TBC1D5: variants seen among roughly 807,000 people sequenced by gnomAD.
TBC1D5 encodes TBC1 domain family, member 5.
A neutral mutation model predicts 100.3 loss-of-function variants in TBC1D5; 75 were observed. The observed-to-expected ratio is 0.75, with a 90% CI of 0.62 to 0.91. The LOEUF is 0.91. TBC1D5 is among the 40% of genes least tolerant of loss of function. The pLI, the probability that TBC1D5 is intolerant of heterozygous loss-of-function variation, is 0.00. For missense variants in TBC1D5, 910 were observed against 942.4 expected, an observed-to-expected ratio of 0.97 and a Z score of 0.45; for synonymous variants, 323 against 325.6, an observed-to-expected ratio of 0.99 and a Z score of 0.09.
At chr3:17,412,986 C>A (rs1202252133) in intron 4 of TBC1D5, among the ~76,000 whole-genome samples, 1 of 152,096 alleles carries the variant, frequency 6.6e-6, no homozygotes, top group Non-Finnish European at 1.5e-5. Context: ...TAACTTTTTA[C>A]TAGTTGGACT....
At chr3:17,373,844 T>G (rs1177865503) in intron 12 of TBC1D5, among the ~76,000 whole-genome samples, 1 of 151,998 alleles carries the variant, frequency 6.6e-6, no homozygotes, top group Non-Finnish European at 1.5e-5. Flanking sequence ...CCAGGGCCTG[T>G]AGGAACAGGG....
intron 2 of TBC1D5, among the ~76,000 whole-genome samples, chr3:17,559,533 T>A (rs1248175408): frequency 6.6e-6 from 1 of 152,036 alleles, no homozygotes. Context: ...GAGATAAAGA[T>A]CATGTTCATA....
At chr3:17,665,139 T>C (rs1356154909) in intron 1 of TBC1D5, 1 of 151,314 alleles carries the variant, frequency 6.6e-6, no homozygotes, top group Non-Finnish European at 1.5e-5. Context: ...TCTTTCTAGC[T>C]GTCAAGGTGC....
rs2062860826 is a variant in TBC1D5, at chr3:17,623,841, A to C, written c.-36+8T>G. On this transcript the variant is annotated splice_region_variant and intron_variant, in intron 2 of 21. Coordinates refer to ENST00000253692, the Ensembl canonical transcript of TBC1D5. ...CTGATCAAAATCATTCAAGAATTTT[A>C]TTCTTACAGATTTTCTTTCAGGCTT... 6.6e-6 allele frequency: 1 copy of C among 152,180 alleles called. No homozygotes were observed. The highest frequency in any genetic ancestry group is 2.1e-4 in the South Asian group (1 of 4,836). The allele number at this position is 152,180 out of a possible 1,614,324, so 9.4% of individuals were successfully genotyped here. A position where few individuals can be genotyped will look rare whatever the true frequency, so the allele number is the denominator to read the frequency against.
intron 13 of TBC1D5, among the ~76,000 whole-genome samples, chr3:17,312,456 G>C (rs1003908736): frequency 3.3e-5 from 5 of 152,148 alleles, no homozygotes; most frequent in Admixed American, 2.6e-4. Context: ...TTTTCAAAAA[G>C]AGAAAAAACA....
intron 21 of TBC1D5, among the ~76,000 whole-genome samples, chr3:17,163,331 A>G (rs1023312380): frequency 1.3e-5 from 2 of 150,470 alleles, no homozygotes; most frequent in Non-Finnish European, 3.0e-5. Flanking sequence ...TAGCTTGGCC[A>G]ATGTCACAAG....
chr3:17,163,915 C>A (rs2066334697), intron 21 of TBC1D5, among the ~76,000 whole-genome samples: 1 of 152,074 alleles, frequency 6.6e-6, no homozygotes, highest in African/African-American at 2.4e-5. Flanking sequence ...AAACAGGGGA[C>A]CCAAGTACCA....
chr3:17,665,839 C>G (rs1412329367), intron 1 of TBC1D5, among the ~76,000 whole-genome samples: 1 of 152,196 alleles, frequency 6.6e-6, no homozygotes, highest in Non-Finnish European at 1.5e-5. Flanking sequence ...TTAGGATCAT[C>G]TGCAAACTCT....
chr3:17,637,135 C>T (rs975814792), intron 1 of TBC1D5, among the ~76,000 whole-genome samples: 5 of 149,596 alleles, frequency 3.3e-5, no homozygotes, highest in Non-Finnish European at 7.4e-5. Flanking sequence ...AATTCTCCTG[C>T]CTCAGCCTCA....
chr3:17,163,266 TTC>T (rs1165361627), intron 21 of TBC1D5, among the ~76,000 whole-genome samples: 2 of 16,810 alleles, frequency 1.2e-4, no homozygotes, highest in Admixed American at 1.0e-3. Flanking sequence ...CCCCCCCCCC[TTC>T]CTTGCCCCTT....
chr3:17,616,841 C>A (rs2062207743), intron 2 of TBC1D5, among the ~76,000 whole-genome samples: 1 of 152,112 alleles, frequency 6.6e-6, no homozygotes, highest in East Asian at 1.9e-4. Context: ...ACTCTTTATC[C>A]AATTTGCCAG....
intron 19 of TBC1D5, among the ~76,000 whole-genome samples, chr3:17,176,246 C>A (rs1397027196): frequency 6.6e-6 from 1 of 152,172 alleles, no homozygotes; most frequent in African/African-American, 2.4e-5. Context: ...ATTAGAGATA[C>A]TGTTTGTGAA....
chr3:17,387,362 A>C (rs999026949), intron 8 of TBC1D5, among the ~76,000 whole-genome samples: 1 of 149,018 alleles, frequency 6.7e-6, no homozygotes, highest in African/African-American at 2.5e-5. Context: ...CTAATCAGTT[A>C]TAAATTAATC....
intron 2 of TBC1D5, among the ~76,000 whole-genome samples, chr3:17,613,724 G>T (rs748721962): frequency 6.6e-6 from 1 of 152,028 alleles, no homozygotes; most frequent in Non-Finnish European, 1.5e-5. Flanking sequence ...CCCACTTTTT[G>T]ATTTGGTTGT....
chr3:17,656,429 A>C (rs1459883458), intron 1 of TBC1D5, among the ~76,000 whole-genome samples: 2 of 152,036 alleles, frequency 1.3e-5, no homozygotes, highest in African/African-American at 4.8e-5. Context: ...GGAAACAGAA[A>C]CTCCTGCTGG....
intron 15 of TBC1D5, among the ~76,000 whole-genome samples, chr3:17,272,922 T>C (rs147667908): frequency 3.9e-5 from 6 of 152,358 alleles, no homozygotes; most frequent in African/African-American, 1.2e-4. Flanking sequence ...CATTCCTTTG[T>C]AATCAACAGC....
intron 1 of TBC1D5, among the ~76,000 whole-genome samples, chr3:17,645,547 G>C (rs1203200827): frequency 2.6e-5 from 4 of 152,086 alleles, no homozygotes; most frequent in African/African-American, 4.8e-5. Flanking sequence ...ATGGGTGCAT[G>C]AAACTGTTTT....
rs566725179 is a variant in TBC1D5, at chr3:17,482,342, C to T, written c.97+26132G>A. 1.8e-4 allele frequency among the ~76,000 whole-genome samples: 28 copies of T among 152,188 alleles called. No individual in the cohort carries two copies. In the South Asian group the frequency reaches 5.8e-3, roughly 32 times the overall value. On this transcript the variant is annotated intron_variant, in intron 3 of 21. Coordinates refer to ENST00000253692, the Ensembl canonical transcript of TBC1D5. ...GGATATAGAAAGGTAAACACAGAGA[C>T]ACTTATTAGCAAAGAAATAGGGAGA...
At chr3:17,569,837 A>G (rs2096615797) in intron 2 of TBC1D5, among the ~76,000 whole-genome samples, 1 of 151,748 alleles carries the variant, frequency 6.6e-6, no homozygotes. Flanking sequence ...ATTTTCATCT[A>G]CTATATATTC....
Sources: allele counts gnomAD v4.1 joint callset (sites outside exome capture counted in the v4.1 genomes callset), GRCh38; gene constraint gnomAD v4.1.1; transcripts MANE v1.5; gene names NCBI Gene and HGNC (gene_info 2026-07-23, HGNC 2026-07-21).